Variants in MYH11 observed in about 807,000 individuals in gnomAD.
The protein encoded by MYH11 is myosin-11.
In MYH11, 80 loss-of-function variants were observed where a neutral mutation model predicts 246.6. The observed-to-expected ratio is 0.32, with a 90% CI of 0.27 to 0.39. The LOEUF (loss-of-function observed/expected upper bound fraction) is 0.39. Ranked by LOEUF, MYH11 falls within the 10% of genes least tolerant of loss-of-function variation. The pLI is 1.00. For synonymous variants in MYH11, 1,071 were observed against 1,015.5 expected (o/e 1.05, Z -1.04); for missense variants, 2,158 against 2,546.8 (o/e 0.85, Z 3.29).
At chr16:15,794,027 C>T (rs7188774) in intron 4 of MYH11, among the ~76,000 whole-genome samples, 69,728 of 143,854 alleles carry the variant, frequency 0.48, 20,464 homozygotes, top group African/African-American at 0.84. Flanking sequence ...AACTGCAAGC[C>T]CCGCCCCCCA....
chr16:15,708,234 C>T (rs958923049), intron 40 of MYH11, among the ~76,000 whole-genome samples: 3 of 152,168 alleles, frequency 2.0e-5, no homozygotes, highest in African/African-American at 7.2e-5. Context: ...TCGCAGTGAG[C>T]TCATTTCCTT....
At chr16:15,849,086 A>C (rs1212479790) in intron 1 of MYH11, among the ~76,000 whole-genome samples, 2 of 152,156 alleles carry the variant, frequency 1.3e-5, no homozygotes, top group African/African-American at 4.8e-5. Flanking sequence ...TGGTTGGGGG[A>C]AGGGTCTCAC....
chr16:15,803,812 G>A (rs1427160806), intron 3 of MYH11, among the ~76,000 whole-genome samples: 1 of 152,288 alleles, frequency 6.6e-6, no homozygotes, highest in Non-Finnish European at 1.5e-5. Flanking sequence ...GAGGGAGCGG[G>A]CTCCAGGAGA....
chr16:15,777,032 G>C (rs1176245047), intron 7 of MYH11, among the ~76,000 whole-genome samples: 1 of 152,086 alleles, frequency 6.6e-6, no homozygotes, highest in Non-Finnish European at 1.5e-5. Context: ...GGCTACCACA[G>C]CCCATGTCCA....
At chr16:15,827,934 C>T (rs992967423) in intron 2 of MYH11, among the ~76,000 whole-genome samples, 17 of 152,192 alleles carry the variant, frequency 1.1e-4, no homozygotes, top group African/African-American at 3.6e-4. Context: ...TCAAGCCCCA[C>T]CCTCCTTCAG....
rs781282181 is a variant in MYH11 at position 15,721,674 on chromosome 16, G to A, written c.4366-40C>T. Reference sequence around the variant, plus strand: ...CCAGAGGTGACTTCTAGGCATATCCGGGGTCAGCGTCACTGAATTGTAAAT... The same window carrying A: ...CCAGAGGTGACTTCTAGGCATATCCAGGGTCAGCGTCACTGAATTGTAAAT... On this transcript the variant is annotated intron_variant, in intron 31 of 40. Coordinates refer to ENST00000300036, the MANE Select transcript of MYH11 (RefSeq NM_002474.3). 23 of 1,605,364 alleles carry A rather than the reference G, an allele frequency of 1.4e-5. No homozygotes were observed. The East Asian group carries it at 1.8e-4, about 12-fold the overall frequency.
chr16:15,837,709 A>T (rs1356755994), intron 2 of MYH11, among the ~76,000 whole-genome samples, 199 bp downstream of exon 2: 2 of 151,782 alleles, frequency 1.3e-5, no homozygotes, highest in African/African-American at 4.8e-5. Context: ...TACTTTTTGT[A>T]TTTTTAGTAG....
chr16:15,807,787 G>T (rs2043049066), intron 3 of MYH11, among the ~76,000 whole-genome samples: 1 of 152,150 alleles, frequency 6.6e-6, no homozygotes, highest in African/African-American at 2.4e-5. Context: ...TAAGGCCCCA[G>T]GCACGTTTCC....
chr16:15,829,519 T>G (rs528291334), intron 2 of MYH11, among the ~76,000 whole-genome samples: 8 of 152,148 alleles, frequency 5.3e-5, no homozygotes, highest in Non-Finnish European at 1.0e-4. Flanking sequence ...CTCCTTCACC[T>G]CGACCCAGCC....
chr16:15,844,827 G>A (rs1368383272), intron 1 of MYH11, among the ~76,000 whole-genome samples: 1 of 152,168 alleles, frequency 6.6e-6, no homozygotes, highest in Non-Finnish European at 1.5e-5. Flanking sequence ...TCCAGCCTGG[G>A]TGTCAGGGTG....
At chr16:15,730,339 C>T (rs1358832668) in intron 27 of MYH11, among the ~76,000 whole-genome samples, 1 of 149,562 alleles carries the variant, frequency 6.7e-6, no homozygotes, top group South Asian at 2.1e-4. Context: ...CGAGATCAGC[C>T]TGGCCAACAT....
intron 15 of MYH11, among the ~76,000 whole-genome samples, chr16:15,751,827 C>A (rs901536373): frequency 1.3e-5 from 2 of 151,496 alleles, no homozygotes; most frequent in African/African-American, 4.9e-5. Flanking sequence ...AAGACAGAGT[C>A]TTGCTCTTTT....
chr16:15,779,688 G>A (rs1285546783), intron 6 of MYH11, among the ~76,000 whole-genome samples: 1 of 152,200 alleles, frequency 6.6e-6, no homozygotes, highest in Non-Finnish European at 1.5e-5. Context: ...CAGGCCCTGT[G>A]TAGGATGTCC....
chr16:15,782,817 A>G (rs1332553629), intron 5 of MYH11: 3 of 345,772 alleles, frequency 8.7e-6, no homozygotes, highest in Non-Finnish European at 1.7e-5. Context: ...TGCCCCCCGG[A>G]GTTGTGCAGT....
At chr16:15,733,424 G>A (rs1024151739) in intron 26 of MYH11, among the ~76,000 whole-genome samples, 1 of 151,504 alleles carries the variant, frequency 6.6e-6, no homozygotes, top group African/African-American at 2.4e-5. Flanking sequence ...GTAGAGATGG[G>A]GTTTCAACAT....
chr16:15,721,304 A>G, intron 32 of MYH11, 118 bp downstream of exon 32: 1 of 1,244,912 alleles, frequency 8.0e-7, no homozygotes, highest in South Asian at 1.2e-5. Context: ...ACCTCCTTCC[A>G]TTTCCGATGA....
intron 31 of MYH11, among the ~76,000 whole-genome samples, chr16:15,722,580 C>G (rs2040542896): frequency 6.6e-6 from 1 of 152,134 alleles, no homozygotes; most frequent in African/African-American, 2.4e-5. Context: ...GGCCTTCAAC[C>G]AGATAACGAA....
intron 40 of MYH11, among the ~76,000 whole-genome samples, chr16:15,706,340 G>A (rs181523246): frequency 2.4e-4 from 37 of 152,254 alleles, no homozygotes; most frequent in Admixed American, 1.3e-3. Flanking sequence ...GCGCAGAGGA[G>A]CAGCAGTTTG....
In MYH11 at chr16:15,782,436, C is replaced by T. The variant is rs1321653095; in HGVS notation, c.675G>A (p.Leu225=). The change falls in exon 6 of 41, where the codon CTG becomes CTA. Residue 225 remains leucine, a synonymous_variant. Transcript: ENST00000300036. The part of the protein sequence containing the change: ...EKQLLQANPI[L]EAFGNAKTVK... ...CTGTTTTGGCGTTGCCGAAAGCCTC[C>T]AGAATCGGGTTTGCTTGTAGAAGCT... The T allele has an allele frequency of 6.2e-7, 1 of 1,614,200 alleles. No individual in the cohort carries two copies. The highest frequency in any genetic ancestry group is 1.3e-5 in the African/African-American group (1 of 75,048).
Sources: gnomAD v4.1 joint callset for allele counts (sites outside exome capture counted in the v4.1 genomes callset) on GRCh38, gnomAD v4.1.1 for gene constraint, MANE v1.5 for transcripts, NCBI Gene and HGNC (gene_info 2026-07-23, HGNC 2026-07-21) for gene names.